The following PARP4 variants were observed in gnomAD, a reference collection of about 807,000 sequenced individuals.
PARP4 encodes poly(ADP-ribose) polymerase family member 4, also known as protein mono-ADP-ribosyltransferase PARP4.
PARP4 carries 120 observed loss-of-function variants against 187.7 expected under a neutral mutation model. The observed-to-expected ratio is 0.64, with a 90% confidence interval of 0.55 to 0.74. PARP4 has a LOEUF of 0.74. Among genes scored for constraint, PARP4 ranks in the 30% least tolerant of loss-of-function variants. The pLI is 0.00. For synonymous variants in PARP4, 654 were observed against 740.9 expected (o/e 0.88, Z 1.90); for missense variants, 1,836 against 2,070.5 (o/e 0.89, Z 2.20).
At chr13:24,459,927 C>T (rs749295933) in intron 18 of PARP4, 45 bp downstream of exon 18, 1 of 1,569,966 alleles carries the variant, frequency 6.4e-7, no homozygotes, top group Non-Finnish European at 8.7e-7. Context: ...ACCACTCCCC[C>T]TCCACTGCTG....
At chr13:24,506,398 G>A (rs1263730997) in intron 1 of PARP4, among the ~76,000 whole-genome samples, 11 of 152,120 alleles carry the variant, frequency 7.2e-5, no homozygotes. Context: ...CGTGGAAGAG[G>A]ACCCCAGCAG....
At chr13:24,455,756 C>G (rs1331458342) in intron 21 of PARP4, among the ~76,000 whole-genome samples, 2 of 150,680 alleles carry the variant, frequency 1.3e-5, no homozygotes, top group African/African-American at 4.9e-5. Flanking sequence ...AAGCTGAAAC[C>G]ACAGGTGTGC....
At chr13:24,498,084 A>G (rs1228670221) in intron 6 of PARP4, 32 bp downstream of exon 6, 1 of 1,449,092 alleles carries the variant, frequency 6.9e-7, no homozygotes, top group South Asian at 1.1e-5. Context: ...AGAGGTCAGT[A>G]AACACATAGG....
At chr13:24,497,035 G>GA (rs1318290919) in intron 6 of PARP4, among the ~76,000 whole-genome samples, 4 of 151,058 alleles carry the variant, frequency 2.6e-5, no homozygotes, top group Non-Finnish European at 5.9e-5. Context: ...GGAAAAAGAA[G>GA]AAAAAAAAAG....
intron 3 of PARP4, among the ~76,000 whole-genome samples, chr13:24,501,379 A>G (rs1174540943): frequency 1.3e-5 from 2 of 152,196 alleles, no homozygotes; most frequent in Non-Finnish European, 2.9e-5. Context: ...TAAAAGCACA[A>G]TCAGGTTTTC....
intron 17 of PARP4, among the ~76,000 whole-genome samples, chr13:24,462,973 A>C (rs1438611448): frequency 6.6e-6 from 1 of 152,216 alleles, no homozygotes; most frequent in Non-Finnish European, 1.5e-5. Context: ...GAGAAGAAAT[A>C]TTTCAATAGA....
At chr13:24,454,880 A>G in intron 22 of PARP4, 137 bp downstream of exon 22, 1 of 626,122 alleles carries the variant, frequency 1.6e-6, no homozygotes, top group Non-Finnish European at 2.6e-6. Context: ...CCAGCTCCAG[A>G]GCTCTTGTTC....
chr13:24,434,164 T>C (rs1870481645), intron 31 of PARP4, among the ~76,000 whole-genome samples: 1 of 152,170 alleles, frequency 6.6e-6, no homozygotes, highest in Non-Finnish European at 1.5e-5. Flanking sequence ...GGTCTAATGT[T>C]TGTAGAGAAA....
At chr13:24,452,657 C>CATT in intron 23 of PARP4, 64 bp from the exon 24 acceptor site, 1 of 1,314,990 alleles carries the variant, frequency 7.6e-7, no homozygotes, top group Non-Finnish European at 1.1e-6. Flanking sequence ...TTGCTGTCAT[C>CATT]ATTGACACAT....
intron 32 of PARP4, among the ~76,000 whole-genome samples, chr13:24,430,011 T>C (rs1319048938): frequency 1.3e-5 from 2 of 152,256 alleles, no homozygotes; most frequent in African/African-American, 4.8e-5. Context: ...TTTCTTTCTT[T>C]CAAAGATTAT....
chr13:24,455,249 TG>T, intron 21 of PARP4, 37 bp from the exon 22 acceptor site: 1 of 1,487,786 alleles, frequency 6.7e-7, no homozygotes, highest in Non-Finnish European at 9.1e-7. Context: ...TGGAGCTTCT[TG>T]TCACTTCAAC....
Position 24,469,891 on chromosome 13 carries a change from TA to T in PARP4, c.2046+2del. The T allele has an allele frequency of 6.2e-7, 1 of 1,611,952 alleles. No individual in the cohort carries two copies. The highest frequency in any genetic ancestry group is 8.5e-7 in the Non-Finnish European group (1 of 1,178,988). On this transcript the variant is annotated splice_donor_variant, in intron 16 of 33. Transcript: ENST00000381989. LOFTEE classifies it high-confidence loss of function. Reference sequence around the variant, plus strand: ...GCGGGCACGATGCATCTTCTTGCCTTACCTCTCCAACTATGTGCTTCCCATT... The same window carrying T: ...GCGGGCACGATGCATCTTCTTGCCTTCCTCTCCAACTATGTGCTTCCCATT...
rs1433896652 is a variant in PARP4, at chr13:24,512,738, C to T, written c.-34G>A. 2 of 152,366 alleles carry T rather than the reference C, an allele frequency of 1.3e-5. No individual in the cohort carries two copies. The highest frequency in any genetic ancestry group is 2.9e-5 in the Non-Finnish European group (2 of 68,142). The allele number at this position is 152,366 out of a possible 1,614,324, so 9.4% of individuals were successfully genotyped here. A position where few individuals can be genotyped will look rare whatever the true frequency, so the allele number is the denominator to read the frequency against. On this transcript the variant is annotated 5_prime_UTR_variant, in exon 1 of 34. Transcript: ENST00000381989. ...GAGGATCCAGCTAGCTCCGGACGCT[C>T]CCCGATTCCGCGCTCCTTGCTCGCG...
Position 24,500,361 on chromosome 13 carries a change from CAT to C in PARP4, c.354_355del (p.Cys119ProfsTer15), listed in dbSNP as rs1344677022. On this transcript the variant is annotated frameshift_variant, in exon 4 of 34. Coordinates refer to ENST00000381989, the MANE Select transcript of PARP4 (RefSeq NM_006437.4). LOFTEE classifies it high-confidence loss of function. ...TTCCTCCTCTGTGGCACTGTCCGGGCATAGACCTTCTGTTTTCACTTCTAGAA... is the reference window on the plus strand; with the variant it reads ...TTCCTCCTCTGTGGCACTGTCCGGGCAGACCTTCTGTTTTCACTTCTAGAA... 1 of 1,603,530 alleles carries C rather than the reference CAT, an allele frequency of 6.2e-7. No individual in the cohort carries two copies.
At chr13:24,477,099 T>C (rs1326215383) in intron 14 of PARP4, among the ~76,000 whole-genome samples, 1 of 152,230 alleles carries the variant, frequency 6.6e-6, no homozygotes, top group Non-Finnish European at 1.5e-5. Context: ...CCTTGGCTAT[T>C]CCTGAAGCGA....
chr13:24,496,455 G>C (rs990672111), intron 6 of PARP4, among the ~76,000 whole-genome samples: 2 of 152,180 alleles, frequency 1.3e-5, no homozygotes, highest in Non-Finnish European at 2.9e-5. Context: ...CTCAATGGTG[G>C]GAAACCCAAG....
At position 24,448,676 on chromosome 13, in the gene PARP4, T is replaced by C. The variant is rs374046330; in HGVS notation, c.3114+1042A>G. ...ACAGACACTTGTATACCAATGCTCA[T>C]AGCAGCATTATTCACAATAGCCAAA... On this transcript the variant is annotated intron_variant, in intron 25 of 33. Transcript: ENST00000381989. 1.1e-4 allele frequency among the ~76,000 whole-genome samples: 16 copies of C among 152,326 alleles called. 4 individuals are homozygous for C. The highest frequency in any genetic ancestry group is 2.6e-4 in the Admixed American group (4 of 15,296).
chr13:24,483,450 C>T (rs1873384974), intron 12 of PARP4, among the ~76,000 whole-genome samples: 1 of 118,902 alleles, frequency 8.4e-6, no homozygotes, highest in Non-Finnish European at 1.7e-5. Flanking sequence ...TGTGCCACTG[C>T]AGTCCGCAGT....
rs553341084 is a variant in PARP4 at position 24,446,573 on chromosome 13, G to C, written c.3366+108C>G. On this transcript the variant is annotated intron_variant, in intron 27 of 33. Transcript: ENST00000381989. ...GAATTTGTATTGGGCTGCATTCAAA[G>C]CTGCCCTGGGCCGTGGGTTGGACAA... is the stretch of plus-strand genomic sequence containing the variant. 7.3e-5 allele frequency: 53 copies of C among 728,538 alleles called. No individual in the cohort carries two copies. The East Asian group carries it at 1.5e-3, about 20-fold the overall frequency. 45.1% of individuals were successfully genotyped at this position (728,538 alleles called of 1,614,324 possible). A position where few individuals can be genotyped will look rare whatever the true frequency, so the allele number is the denominator to read the frequency against.
Sources: allele counts gnomAD v4.1 joint callset (sites outside exome capture counted in the v4.1 genomes callset), GRCh38; gene constraint gnomAD v4.1.1; transcripts MANE v1.5; gene names NCBI Gene and HGNC (gene_info 2026-07-23, HGNC 2026-07-21).